ARK2N: variants seen among roughly 807,000 people sequenced by gnomAD.
ARK2N encodes arkadia (RNF111) N-terminal like PKA signaling regulator 2N, also known as protein ARK2N.
At chr18:46,194,866 T>G in the ARK2N span, among the ~76,000 whole-genome samples, 1 of 149,668 alleles carries the variant, frequency 6.7e-6, no homozygotes, top group African/African-American at 2.5e-5. Context: ...TACAGTGGTG[T>G]GATCTTGACT....
chr18:46,224,690 T>C, the ARK2N span, among the ~76,000 whole-genome samples: 1,747 of 152,296 alleles, frequency 0.011, 61 homozygotes, highest in East Asian at 0.12. Flanking sequence ...GTCTGTGTAG[T>C]AACAGAATAC....
At chr18:46,256,144 C>G in the ARK2N span, among the ~76,000 whole-genome samples, 1 of 152,200 alleles carries the variant, frequency 6.6e-6, no homozygotes, top group African/African-American at 2.4e-5. Context: ...ATTATTCATT[C>G]ACCAACTTCC....
chr18:46,259,882 C>CGTGTGTGTGTGTGTGTGTGT, the ARK2N span, among the ~76,000 whole-genome samples: 2 of 39,322 alleles, frequency 5.1e-5, no homozygotes, highest in African/African-American at 7.5e-5. Context: ...GTGATCCTCC[C>CGTGTGTGTGTGTGTGTGTGT]GTCTGTGTGT....
chr18:46,238,122 T>C, the ARK2N span, among the ~76,000 whole-genome samples: 1 of 152,214 alleles, frequency 6.6e-6, no homozygotes, highest in African/African-American at 2.4e-5. Flanking sequence ...CTTTTTTGCA[T>C]GATTATACAT....
the ARK2N span, chr18:46,216,793 GA>G: frequency 1.8e-6 from 1 of 541,946 alleles, no homozygotes; most frequent in Non-Finnish European, 3.3e-6. The surrounding 1 kb of genome is among the most constrained non-coding windows in gnomAD (Gnocchi z 4.3). Flanking sequence ...AGCACATCAG[GA>G]AAAACAAAAT....
At chr18:46,252,209 C>A in the ARK2N span, among the ~76,000 whole-genome samples, 7 of 150,918 alleles carry the variant, frequency 4.6e-5, no homozygotes, top group Non-Finnish European at 7.4e-5. Context: ...AAAAAAGGTA[C>A]AAGATTTCTC....
chr18:46,257,666 A>AT, the ARK2N span, among the ~76,000 whole-genome samples: 97,817 of 149,258 alleles, frequency 0.66, 32,972 homozygotes, highest in Non-Finnish European at 0.74. Context: ...CAGGCCAATA[A>AT]TTTTTTTTTT....
chr18:46,262,277 C>A, the ARK2N span, among the ~76,000 whole-genome samples: 2 of 152,170 alleles, frequency 1.3e-5, no homozygotes, highest in African/African-American at 4.8e-5. Context: ...TCTCTCCCTC[C>A]GATAGAACCC....
the ARK2N span, among the ~76,000 whole-genome samples, chr18:46,241,604 G>A: frequency 6.6e-6 from 1 of 150,986 alleles, no homozygotes; most frequent in Non-Finnish European, 1.5e-5. Flanking sequence ...GGTGGTGGGC[G>A]TGGTGGTGGG....
chr18:46,192,044 C>T, the ARK2N span, among the ~76,000 whole-genome samples: 1 of 152,288 alleles, frequency 6.6e-6, no homozygotes, highest in Non-Finnish European at 1.5e-5. Flanking sequence ...TATCCATTCA[C>T]CTACTGAAGG....
the ARK2N span, among the ~76,000 whole-genome samples, chr18:46,227,866 G>A: frequency 6.6e-6 from 1 of 152,146 alleles, no homozygotes; most frequent in Non-Finnish European, 1.5e-5. Flanking sequence ...CCAAAGTGCT[G>A]GGATTATAGG....
the ARK2N span, among the ~76,000 whole-genome samples, chr18:46,200,178 A>G: frequency 1.5e-3 from 234 of 152,220 alleles, 1 homozygote; most frequent in Non-Finnish European, 3.0e-3. Context: ...CATTTTTCCG[A>G]AAGACCACAT....
the ARK2N span, among the ~76,000 whole-genome samples, chr18:46,212,990 ATTTTT>A: frequency 1.9e-4 from 15 of 80,516 alleles, no homozygotes; most frequent in Middle Eastern, 7.9e-3. Context: ...TTTAAGAAGA[ATTTTT>A]TTTTTTTTTT....
chr18:46,223,414 C>G, the ARK2N span, among the ~76,000 whole-genome samples: 1 of 152,108 alleles, frequency 6.6e-6, no homozygotes, highest in Non-Finnish European at 1.5e-5. Context: ...TTTTTGTTTG[C>G]TGGATAGAGC....
chr18:46,174,682 G>A, the ARK2N span, among the ~76,000 whole-genome samples: 1 of 152,214 alleles, frequency 6.6e-6, no homozygotes, highest in Non-Finnish European at 1.5e-5. Flanking sequence ...AGGGGAGGCT[G>A]GAGGTGCCGC....
chr18:46,219,695 C>A, the ARK2N span, among the ~76,000 whole-genome samples: 1 of 152,148 alleles, frequency 6.6e-6, no homozygotes, highest in Non-Finnish European at 1.5e-5. Flanking sequence ...TGGTCTTGAT[C>A]TCCTGACCTT....
At chr18:46,240,980 A>G in the ARK2N span, among the ~76,000 whole-genome samples, 1 of 152,228 alleles carries the variant, frequency 6.6e-6, no homozygotes, top group African/African-American at 2.4e-5. Flanking sequence ...GCAGTGTATA[A>G]TTTCTTCAGT....
At chr18:46,254,831 C>A in the ARK2N span, among the ~76,000 whole-genome samples, 11 of 152,274 alleles carry the variant, frequency 7.2e-5, no homozygotes, top group Middle Eastern at 3.4e-3. Flanking sequence ...TGGTTCCAAC[C>A]CTTTCAGCGA....
At chr18:46,186,053 GA>G in the ARK2N span, among the ~76,000 whole-genome samples, 23 of 152,154 alleles carry the variant, frequency 1.5e-4, no homozygotes, top group African/African-American at 4.8e-4. Context: ...TTTGGACAGG[GA>G]GGGGGGGCAT....
Sources: gnomAD v4.1 joint callset for allele counts (sites outside exome capture counted in the v4.1 genomes callset) on GRCh38, gnomAD v4.1.1 for gene constraint, Gnocchi (gnomAD v3.1) non-coding constraint, MANE v1.5 for transcripts, NCBI Gene and HGNC (gene_info 2026-07-23, HGNC 2026-07-21) for gene names.